Variants in ST6GALNAC3 observed in about 807,000 individuals in gnomAD.
ST6GALNAC3 encodes ST6 N-acetylgalactosaminide alpha-2,6-sialyltransferase 3.
Under a neutral mutation model 32.7 loss-of-function variants are expected in ST6GALNAC3, and 25 were observed. The ratio of observed to expected loss-of-function variants is 0.76; its 90% CI spans 0.56 to 1.07. The LOEUF (loss-of-function observed/expected upper bound fraction) is 1.07. ST6GALNAC3 is among the 50% of genes least tolerant of loss of function. The probability of loss-of-function intolerance (pLI) is 0.00; values close to 1 mark genes in which losing one functional copy is unlikely to be tolerated. For synonymous variants in ST6GALNAC3, 129 were observed against 133.1 expected (o/e 0.97, Z 0.21); for missense variants, 355 against 382.4 (o/e 0.93, Z 0.60).
At chr1:76,258,881 A>C (rs1000130213) in intron 1 of ST6GALNAC3, among the ~76,000 whole-genome samples, 2 of 152,182 alleles carry the variant, frequency 1.3e-5, no homozygotes, top group Non-Finnish European at 2.9e-5. Flanking sequence ...AAAATTCAGC[A>C]AGTCTTTTTG....
At chr1:76,361,687 A>C (rs895011409) in intron 2 of ST6GALNAC3, among the ~76,000 whole-genome samples, 4 of 152,156 alleles carry the variant, frequency 2.6e-5, no homozygotes, top group African/African-American at 9.7e-5. Context: ...GCTATAAAGA[A>C]ATACCTGAGG....
chr1:76,305,915 G>A (rs1428487542), intron 1 of ST6GALNAC3: 1 of 518,138 alleles, frequency 1.9e-6, no homozygotes, highest in Non-Finnish European at 3.9e-6. Context: ...TCTGCCTCTA[G>A]AGCCTGTGTT....
At chr1:76,429,173 T>C (rs1380632241) in intron 3 of ST6GALNAC3, among the ~76,000 whole-genome samples, 1 of 152,142 alleles carries the variant, frequency 6.6e-6, no homozygotes, top group Non-Finnish European at 1.5e-5. Context: ...AGAATTGTTA[T>C]ACTGAATTCT....
chr1:76,397,298 T>G (rs1358312239), intron 2 of ST6GALNAC3, among the ~76,000 whole-genome samples: 1 of 151,954 alleles, frequency 6.6e-6, no homozygotes, highest in African/African-American at 2.4e-5. Context: ...ATTAAATTTT[T>G]TCCTGAAAAA....
rs556533438 is a variant in ST6GALNAC3, at chr1:76,450,261, G to A, written c.623+37844G>A. Among the ~76,000 whole-genome samples, 5 of 151,840 alleles carry A rather than the reference G, an allele frequency of 3.3e-5. No homozygotes were observed. The East Asian group carries it at 9.7e-4, about 29-fold the overall frequency. ...ACTATTTTTTGATTTTTTTATTATG[G>A]CCATTTTTGCAGGAGTAAGGTGGCA... On this transcript the variant is annotated intron_variant, in intron 3 of 4. Coordinates refer to ENST00000328299, the MANE Select transcript of ST6GALNAC3 (RefSeq NM_152996.4).
At chr1:76,180,972 G>A (rs7534087) in intron 1 of ST6GALNAC3, among the ~76,000 whole-genome samples, 29,869 of 152,176 alleles carry the variant, frequency 0.2, 3,041 homozygotes, top group African/African-American at 0.22. Context: ...TGAGCCAGTT[G>A]ACACTTAAGC....
At chr1:76,325,678 G>A (rs1647054421) in intron 2 of ST6GALNAC3, among the ~76,000 whole-genome samples, 1 of 149,742 alleles carries the variant, frequency 6.7e-6, no homozygotes, top group Admixed American at 6.6e-5. Flanking sequence ...TAGACATGCT[G>A]AAAATATTGT....
chr1:76,549,308 C>A (rs943338021), intron 3 of ST6GALNAC3, among the ~76,000 whole-genome samples: 21 of 152,062 alleles, frequency 1.4e-4, no homozygotes, highest in Admixed American at 7.2e-4. Context: ...CTTTCTGTCT[C>A]CAGAAATAAC....
chr1:76,589,434 G>A (rs1051289972), intron 3 of ST6GALNAC3, among the ~76,000 whole-genome samples: 31 of 151,716 alleles, frequency 2.0e-4, no homozygotes, highest in Non-Finnish European at 4.3e-4. Context: ...AATCTACCTG[G>A]CCCACAGGAC....
At chr1:76,405,779 TCTCA>T (rs899245187) in intron 2 of ST6GALNAC3, among the ~76,000 whole-genome samples, 1 of 152,026 alleles carries the variant, frequency 6.6e-6, no homozygotes, top group South Asian at 2.1e-4. Context: ...TCCCTCTCTC[TCTCA>T]CTCACTTTCT....
intron 2 of ST6GALNAC3, among the ~76,000 whole-genome samples, chr1:76,356,525 T>C (rs748497659): frequency 6.6e-6 from 1 of 150,668 alleles, no homozygotes; most frequent in African/African-American, 2.5e-5. Context: ...AAGTAAATTA[T>C]AGGATGTTGG....
intron 1 of ST6GALNAC3, among the ~76,000 whole-genome samples, chr1:76,228,285 A>C (rs1037505804): frequency 2.6e-5 from 4 of 152,190 alleles, no homozygotes; most frequent in African/African-American, 9.7e-5. Context: ...TGATTCCTGT[A>C]AGAACAATCT....
chr1:76,262,738 A>G (rs957843191), intron 1 of ST6GALNAC3, among the ~76,000 whole-genome samples: 8 of 152,136 alleles, frequency 5.3e-5, no homozygotes, highest in Admixed American at 1.3e-4. Flanking sequence ...CCTTCATCCA[A>G]TCACTTGTGG....
intron 1 of ST6GALNAC3, among the ~76,000 whole-genome samples, chr1:76,237,174 C>A (rs1656702607): frequency 2.6e-5 from 4 of 152,202 alleles, no homozygotes; most frequent in Admixed American, 2.6e-4. Context: ...ATTCTCCCCA[C>A]CCAGGCAAGA....
intron 3 of ST6GALNAC3, among the ~76,000 whole-genome samples, chr1:76,470,406 G>A (rs1450405988): frequency 6.6e-6 from 1 of 152,042 alleles, no homozygotes; most frequent in Non-Finnish European, 1.5e-5. Context: ...TGAAGACTGG[G>A]ATCTACTCCC....
chr1:76,351,192 G>A (rs1445885071), intron 2 of ST6GALNAC3, among the ~76,000 whole-genome samples: 1 of 152,104 alleles, frequency 6.6e-6, no homozygotes, highest in Non-Finnish European at 1.5e-5. Flanking sequence ...GCTTATGCTG[G>A]TTTTATAAAA....
At chr1:76,187,679 C>T (rs2952434) in intron 1 of ST6GALNAC3, among the ~76,000 whole-genome samples, 141,324 of 152,154 alleles carry the variant, frequency 0.93, 66,543 homozygotes, top group East Asian at 1. Flanking sequence ...GTGTAGGCAT[C>T]TGAGTTATGC....
At chr1:76,452,745 TTTG>T (rs1657500471) in intron 3 of ST6GALNAC3, among the ~76,000 whole-genome samples, 1 of 152,156 alleles carries the variant, frequency 6.6e-6, no homozygotes, top group Non-Finnish European at 1.5e-5. Flanking sequence ...TTTTCTTTTT[TTTG>T]TTATGTCATT....
intron 2 of ST6GALNAC3, among the ~76,000 whole-genome samples, chr1:76,320,493 C>A (rs1038156746): frequency 3.3e-5 from 5 of 152,060 alleles, no homozygotes; most frequent in Non-Finnish European, 7.4e-5. Context: ...TCTCTGTGTA[C>A]CCCTGACATG....
Sources: allele counts gnomAD v4.1 joint callset (sites outside exome capture counted in the v4.1 genomes callset), GRCh38; gene constraint gnomAD v4.1.1; transcripts MANE v1.5; gene names NCBI Gene and HGNC (gene_info 2026-07-23, HGNC 2026-07-21).